The following KCNMB2 variants were observed in gnomAD, a reference collection of about 807,000 sequenced individuals.
The protein encoded by KCNMB2 is potassium calcium-activated channel subfamily M regulatory beta subunit 2.
A neutral mutation model predicts 24.5 loss-of-function variants in KCNMB2; 9 were observed. The ratio of observed to expected loss-of-function variants is 0.37; its 90% confidence interval spans 0.22 to 0.64. The LOEUF is 0.64. KCNMB2 is among the 30% of genes least tolerant of loss of function. The pLI is 0.63. For synonymous variants in KCNMB2, 109 were observed against 104.4 expected, an observed-to-expected ratio of 1.04 and a Z score of -0.27; for missense variants, 226 against 284.3, an observed-to-expected ratio of 0.79 and a Z score of 1.47.
At chr3:178,808,566 A>AT (rs1189550839) in intron 2 of KCNMB2, among the ~76,000 whole-genome samples, 1 of 152,238 alleles carries the variant, frequency 6.6e-6, no homozygotes, top group Non-Finnish European at 1.5e-5. Flanking sequence ...TGCCTCACAG[A>AT]TAAAAATTCT....
At chr3:178,817,121 G>T (rs1353992726) in intron 2 of KCNMB2, among the ~76,000 whole-genome samples, 1 of 150,630 alleles carries the variant, frequency 6.6e-6, no homozygotes, top group East Asian at 1.9e-4. Flanking sequence ...TAAGACCTGG[G>T]TCACAGTGTT....
intron 1 of KCNMB2, among the ~76,000 whole-genome samples, chr3:178,576,777 C>A (rs112575993): frequency 2.9e-4 from 44 of 152,340 alleles, no homozygotes; most frequent in East Asian, 2.1e-3. Flanking sequence ...CCGCTGTAGC[C>A]AGACTGCCTG....
intron 1 of KCNMB2, among the ~76,000 whole-genome samples, chr3:178,550,692 T>C (rs1715922979): frequency 6.6e-6 from 1 of 152,050 alleles, no homozygotes; most frequent in Non-Finnish European, 1.5e-5. Flanking sequence ...AACATCAGTA[T>C]TAGCAGGGTT....
chr3:178,825,950 T>A (rs1455148738), intron 3 of KCNMB2, among the ~76,000 whole-genome samples, 192 bp downstream of exon 3: 1 of 152,180 alleles, frequency 6.6e-6, no homozygotes, highest in Non-Finnish European at 1.5e-5. Flanking sequence ...ATAATCTGGA[T>A]ACCAGGTGTC....
At chr3:178,727,295 G>A (rs962788533) in intron 1 of KCNMB2, among the ~76,000 whole-genome samples, 3 of 152,016 alleles carry the variant, frequency 2.0e-5, no homozygotes, top group African/African-American at 7.2e-5. Flanking sequence ...AATAATTTTA[G>A]TTTCGCCTTT....
At chr3:178,745,605 G>A (rs1332886168) in intron 1 of KCNMB2, among the ~76,000 whole-genome samples, 1 of 152,070 alleles carries the variant, frequency 6.6e-6, no homozygotes, top group East Asian at 1.9e-4. Flanking sequence ...TAACTAAAAG[G>A]TCTACAGTCC....
intron 1 of KCNMB2, among the ~76,000 whole-genome samples, chr3:178,803,227 T>A (rs1713840018): frequency 6.6e-6 from 1 of 152,196 alleles, no homozygotes; most frequent in South Asian, 2.1e-4. Context: ...AACAAACAAA[T>A]GGCCCCATCT....
intron 1 of KCNMB2, among the ~76,000 whole-genome samples, chr3:178,579,009 A>G (rs1185613029): frequency 6.6e-6 from 1 of 152,072 alleles, no homozygotes; most frequent in Non-Finnish European, 1.5e-5. Flanking sequence ...GACCTCAGCT[A>G]TGGACCAAGC....
chr3:178,590,608 T>G (rs1717630359), intron 1 of KCNMB2, among the ~76,000 whole-genome samples: 1 of 152,194 alleles, frequency 6.6e-6, no homozygotes, highest in South Asian at 2.1e-4. Context: ...CTGTATGCAT[T>G]ATCTTGTTTA....
chr3:178,652,440 C>A (rs967569807), intron 1 of KCNMB2, among the ~76,000 whole-genome samples: 1 of 151,036 alleles, frequency 6.6e-6, no homozygotes, highest in African/African-American at 2.4e-5. Context: ...ACGTTCTGCA[C>A]ATGTACCCCA....
rs368118600 is a variant in KCNMB2, at chr3:178,800,441, G to A, written c.-67-6902G>A. 3.3e-4 allele frequency among the ~76,000 whole-genome samples: 50 copies of A among 152,164 alleles called. 1 individual carries two copies. In the South Asian group the frequency reaches 0.01, roughly 31 times the overall value. On this transcript the variant is annotated intron_variant, in intron 1 of 4. Coordinates refer to ENST00000452583, the MANE Select transcript of KCNMB2 (RefSeq NM_181361.3). ...TATGAAAAGGTGCTCAACATCATTG[G>A]TCATCAAAGAAATGCAAATTAAAAC...
At chr3:178,538,208 A>G (rs937723857) in intron 1 of KCNMB2, among the ~76,000 whole-genome samples, 2 of 152,196 alleles carry the variant, frequency 1.3e-5, no homozygotes, top group Non-Finnish European at 2.9e-5. Context: ...TTACTGAACC[A>G]GCCGAACTCT....
At chr3:178,623,269 C>A (rs966721614) in intron 1 of KCNMB2, among the ~76,000 whole-genome samples, 1 of 152,192 alleles carries the variant, frequency 6.6e-6, no homozygotes, top group African/African-American at 2.4e-5. Flanking sequence ...GCCACACTTA[C>A]GTGATTTATA....
At chr3:178,539,294 A>G (rs762552337) in intron 1 of KCNMB2, among the ~76,000 whole-genome samples, 1 of 152,216 alleles carries the variant, frequency 6.6e-6, no homozygotes, top group Non-Finnish European at 1.5e-5. Flanking sequence ...AAGAATGTGT[A>G]TATAATTTTG....
chr3:178,587,152 T>A (rs1237116120), intron 1 of KCNMB2, among the ~76,000 whole-genome samples: 1 of 152,174 alleles, frequency 6.6e-6, no homozygotes, highest in East Asian at 1.9e-4. Flanking sequence ...GGGTGGTCTA[T>A]TTATCTATTC....
intron 1 of KCNMB2, among the ~76,000 whole-genome samples, chr3:178,689,964 T>G (rs1044725226): frequency 5.3e-5 from 8 of 152,148 alleles, no homozygotes; most frequent in African/African-American, 1.9e-4. Flanking sequence ...GTAGTGTAAT[T>G]GACATTTTAT....
chr3:178,687,154 G>C (rs1721499532), intron 1 of KCNMB2, among the ~76,000 whole-genome samples: 1 of 151,938 alleles, frequency 6.6e-6, no homozygotes, highest in Admixed American at 6.6e-5. Context: ...CTTAGAAATA[G>C]GAACTAAGAA....
chr3:178,810,766 G>C (rs370165612), intron 2 of KCNMB2, among the ~76,000 whole-genome samples: 3 of 151,646 alleles, frequency 2.0e-5, no homozygotes, highest in South Asian at 4.2e-4. Context: ...ATGGAGTCTC[G>C]CTCTGTCGCC....
intron 1 of KCNMB2, among the ~76,000 whole-genome samples, chr3:178,629,130 G>A (rs573127704): frequency 1.5e-4 from 23 of 152,040 alleles, no homozygotes; most frequent in African/African-American, 3.6e-4. Flanking sequence ...TTCAGTTCCC[G>A]GTTAGCTTTC....
Sources: allele counts gnomAD v4.1 joint callset (sites outside exome capture counted in the v4.1 genomes callset), GRCh38; gene constraint gnomAD v4.1.1; transcripts MANE v1.5; gene names NCBI Gene and HGNC (gene_info 2026-07-23, HGNC 2026-07-21).